The following MRPS9 variants were observed in gnomAD, a reference collection of about 807,000 sequenced individuals.
The protein encoded by MRPS9 is small ribosomal subunit protein uS9m.
Under a neutral mutation model 59.9 loss-of-function variants are expected in MRPS9, and 45 were observed. The observed-to-expected ratio is 0.75, with a 90% CI of 0.59 to 0.96. The LOEUF (loss-of-function observed/expected upper bound fraction) is 0.96. MRPS9 is among the 40% of genes least tolerant of loss of function. The probability of loss-of-function intolerance (pLI) is 0.00; values close to 1 mark genes in which losing one functional copy is unlikely to be tolerated. For synonymous variants in MRPS9, 171 were observed against 166.8 expected (o/e 1.03, Z -0.19); for missense variants, 473 against 481.1 (o/e 0.98, Z 0.16).
In MRPS9 at chr2:105,093,593, T is replaced by C. The variant is rs1408699469; in HGVS notation, c.884T>C (p.Val295Ala). Residue 295 changes from valine to alanine, a missense_variant, in exon 9 of 11, where the codon GTA (valine) becomes GCA (alanine). Transcript: ENST00000258455. The stretch of plus-strand genomic sequence containing the variant: ...AAACATGGAAGTGGAAGAATAAAAG[T>C]AAATGGAATTGATTACCAGCTTTAC... ...VYKHGSGRIK[V>A]NGIDYQLYFP... is the part of the protein sequence containing the mutation. The C allele has an allele frequency of 6.2e-7, 1 of 1,607,180 alleles. No individual in the cohort carries two copies. Among genetic ancestry groups the C allele is most frequent in the Non-Finnish European group, 8.5e-7 (1 of 1,176,714 alleles).
chr2:105,081,736 A>G (rs1475893360), intron 5 of MRPS9, among the ~76,000 whole-genome samples: 1 of 152,244 alleles, frequency 6.6e-6, no homozygotes, highest in Non-Finnish European at 1.5e-5. Context: ...ATATCTGATT[A>G]ATAAACATTC....
At chr2:105,096,341 G>A (rs534614206) in intron 9 of MRPS9, among the ~76,000 whole-genome samples, 3 of 152,272 alleles carry the variant, frequency 2.0e-5, no homozygotes, top group Non-Finnish European at 4.4e-5. Flanking sequence ...CTGCATAAAA[G>A]TGTAGCAAGA....
chr2:105,077,244 CAA>C (rs56216293), intron 4 of MRPS9, among the ~76,000 whole-genome samples: 3 of 115,460 alleles, frequency 2.6e-5, no homozygotes, highest in African/African-American at 3.3e-5. Flanking sequence ...GACTCCATCT[CAA>C]AAAAAAAAAA....
intron 1 of MRPS9, chr2:105,038,545 C>G (rs1160010160): frequency 3.2e-6 from 1 of 309,548 alleles, no homozygotes; most frequent in Non-Finnish European, 6.1e-6. Flanking sequence ...CCAGTCCTAC[C>G]CTGCCCTGCT....
At chr2:105,042,970 C>G (rs889254254) in intron 1 of MRPS9, among the ~76,000 whole-genome samples, 2 of 152,156 alleles carry the variant, frequency 1.3e-5, no homozygotes, top group African/African-American at 4.8e-5. Context: ...TCCCACCCCC[C>G]AGAGTCATTT....
chr2:105,059,572 T>C (rs1429562220), intron 2 of MRPS9, among the ~76,000 whole-genome samples: 1 of 151,508 alleles, frequency 6.6e-6, no homozygotes, highest in Non-Finnish European at 1.5e-5. Context: ...TTTTTTGTTT[T>C]TTTTGTTTTT....
intron 5 of MRPS9, among the ~76,000 whole-genome samples, chr2:105,084,648 G>A (rs975443601): frequency 6.6e-6 from 1 of 152,178 alleles, no homozygotes; most frequent in African/African-American, 2.4e-5. Flanking sequence ...TTCTCGCAGT[G>A]AGGTGTCGTG....
At position 105,099,720 on chromosome 2, in the gene MRPS9, C is replaced by T. The variant is rs2104474497; in HGVS notation, c.1150C>T (p.Gln384Ter). Reference sequence around the variant, plus strand: ...TGTGAGGGAACGGAAGAAGCCAGGCCAAGAGGGAGCCCGCAGAAAGTTTAC... The same window carrying T: ...TGTGAGGGAACGGAAGAAGCCAGGCTAAGAGGGAGCCCGCAGAAAGTTTAC... ...PRVRERKKPGQEGARRKFTWK... is the reference protein window; with the variant it reads ...PRVRERKKPG The change falls in exon 11 of 11, where the codon CAA (glutamine) becomes TAA (stop). Residue 384 changes from glutamine (Q) to a stop codon, truncating the protein, a stop_gained. Transcript: ENST00000258455. LOFTEE classifies it high-confidence loss of function. 6.2e-7 allele frequency: 1 copy of T among 1,614,070 alleles called. No individual in the cohort carries two copies. Among genetic ancestry groups the T allele is most frequent in the South Asian group, 1.1e-5 (1 of 91,070 alleles).
chr2:105,094,295 A>T lies in MRPS9; in HGVS notation c.929+657A>T, dbSNP rs1680616351. On this transcript the variant is annotated intron_variant, in intron 9 of 10. Transcript: ENST00000258455. ...AACTTTGTATCCTATGGAGAAATAGACATTAATCATAAATAGATACTACAG... is the reference window on the plus strand; with the variant it reads ...AACTTTGTATCCTATGGAGAAATAGTCATTAATCATAAATAGATACTACAG... 5.9e-5 allele frequency among the ~76,000 whole-genome samples: 9 copies of T among 152,330 alleles called. No homozygotes were observed. In the South Asian group the frequency reaches 1.9e-3, roughly 32 times the overall value.
At chr2:105,096,471 G>A (rs1440210618) in intron 9 of MRPS9, among the ~76,000 whole-genome samples, 1 of 152,116 alleles carries the variant, frequency 6.6e-6, no homozygotes. Context: ...GTCCAGGGCC[G>A]TGTTTTGTCT....
At position 105,059,568 on chromosome 2, in the gene MRPS9, G is replaced by GT. The variant is rs200329004; in HGVS notation, c.315+10226dup. On this transcript the variant is annotated intron_variant, in intron 2 of 10. Transcript: ENST00000258455. ...ATTGATACATATGTTTTCATTTTTTGTTTTTTTTGTTTTTTTTTTGTGGAA... is the reference window on the plus strand; with the variant it reads ...ATTGATACATATGTTTTCATTTTTTGTTTTTTTTTGTTTTTTTTTTGTGGAA... 3.7e-3 allele frequency among the ~76,000 whole-genome samples: 558 copies of GT among 149,240 alleles called. 7 individuals carry two copies. The highest frequency in any genetic ancestry group is 0.012 in the African/African-American group (467 of 40,254).
At position 105,092,442 on chromosome 2, in the gene MRPS9, G is replaced by T. The variant is rs150881779; in HGVS notation, c.693G>T (p.Ser231=). The T allele has an allele frequency of 1.0e-4, 162 of 1,613,074 alleles. No individual in the cohort carries two copies. The highest frequency in any genetic ancestry group is 1.3e-4 in the Non-Finnish European group (154 of 1,179,800). Residue 231 remains serine, a synonymous_variant, in exon 8 of 11, where the codon TCG becomes TCT. Coordinates refer to ENST00000258455, the MANE Select transcript of MRPS9 (RefSeq NM_182640.3). ...FIRLLEKLLT[S]QCGAAEEEFV... ...GGCTGCTAGAAAAGTTATTGACATC[G>T]CAGTGTGGTGCTGCTGAGGAAGAAT...
intron 5 of MRPS9, among the ~76,000 whole-genome samples, chr2:105,082,743 C>T (rs1319996487): frequency 1.3e-5 from 2 of 152,152 alleles, no homozygotes; most frequent in Non-Finnish European, 2.9e-5. Flanking sequence ...GATGTTCTCA[C>T]GTTTTGGAAA....
intron 4 of MRPS9, among the ~76,000 whole-genome samples, chr2:105,075,664 G>A (rs182429763): frequency 2.6e-5 from 4 of 152,206 alleles, no homozygotes; most frequent in Non-Finnish European, 5.9e-5. Context: ...AGCAAACCAA[G>A]TAAAGCTTTA....
intron 1 of MRPS9, among the ~76,000 whole-genome samples, chr2:105,039,415 G>C (rs1410162994): frequency 6.6e-6 from 1 of 151,278 alleles, no homozygotes; most frequent in African/African-American, 2.4e-5. Flanking sequence ...GATTATGAGA[G>C]GGACTATATC....
At chr2:105,096,424 A>G (rs553381914) in intron 9 of MRPS9, among the ~76,000 whole-genome samples, 6 of 152,252 alleles carry the variant, frequency 3.9e-5, no homozygotes, top group African/African-American at 1.4e-4. Flanking sequence ...CGTGAAAATG[A>G]TATTCAACAA....
chr2:105,061,250 G>A (rs1293974456), intron 2 of MRPS9, among the ~76,000 whole-genome samples: 1 of 151,998 alleles, frequency 6.6e-6, no homozygotes, highest in Admixed American at 6.6e-5. Context: ...ACAGTCGGAT[G>A]TGTGGCACTG....
At chr2:105,097,531 G>A in intron 10 of MRPS9, 1 of 430,056 alleles carries the variant, frequency 2.3e-6, no homozygotes, top group Non-Finnish European at 3.9e-6. Context: ...AAAAAGGGGA[G>A]AACTCCCCAC....
At position 105,099,757 on chromosome 2, in the gene MRPS9, G is replaced by A; in HGVS notation, c.1187G>A (p.Arg396His). ...GARRKFTWKK[R>H] The stretch of plus-strand genomic sequence containing the variant: ...CGCAGAAAGTTTACGTGGAAGAAAC[G>A]CTAAGGGTTTGCTCCCAGGAAAGGA... Residue 396 changes from arginine (R) to histidine (H), a missense_variant, in exon 11 of 11, where the codon CGC becomes CAC. Coordinates refer to ENST00000258455, the MANE Select transcript of MRPS9 (RefSeq NM_182640.3). 3 of 1,614,046 alleles carry A rather than the reference G, an allele frequency of 1.9e-6. No individual in the cohort carries two copies. The highest frequency in any genetic ancestry group is 2.5e-6 in the Non-Finnish European group (3 of 1,179,970).
Sources: allele counts gnomAD v4.1 joint callset (sites outside exome capture counted in the v4.1 genomes callset), GRCh38; gene constraint gnomAD v4.1.1; transcripts MANE v1.5; gene names NCBI Gene and HGNC (gene_info 2026-07-23, HGNC 2026-07-21).